Variants in IL16 observed in about 807,000 individuals in gnomAD.
The protein encoded by IL16 is interleukin 16.
IL16 carries 67 observed loss-of-function variants against 110.1 expected under a neutral mutation model. The ratio of observed to expected loss-of-function variants is 0.61; its 90% CI spans 0.50 to 0.75. IL16 has a LOEUF of 0.75. Among genes scored for constraint, IL16 ranks in the 30% least tolerant of loss-of-function variants. The pLI, the probability that IL16 is intolerant of heterozygous loss-of-function variation, is 0.00. For synonymous variants in IL16, 689 were observed against 662.9 expected, an observed-to-expected ratio of 1.04 and a Z score of -0.61; for missense variants, 1,545 against 1,655.0, an observed-to-expected ratio of 0.93 and a Z score of 1.15.
intron 2 of IL16, among the ~76,000 whole-genome samples, chr15:81,248,230 G>A (rs1355561043): frequency 6.6e-6 from 1 of 152,050 alleles, no homozygotes; most frequent in Non-Finnish European, 1.5e-5. Flanking sequence ...ATTAGCAGTT[G>A]TCTGAGCTAT....
rs36000066 is a variant in IL16, at chr15:81,187,339, C to T, written c.40+4443C>T. Among the ~76,000 whole-genome samples the T allele has an allele frequency of 4.9e-3, 744 of 152,262 alleles. 2 individuals are homozygous for T. The highest frequency in any genetic ancestry group is 8.7e-3 in the African/African-American group (363 of 41,546). Reference sequence around the variant, plus strand: ...CTGGCTGGATGCAGTGGCTCACATCCGTAATCGCTACACTTTTGTAGGCTG... The same window carrying T: ...CTGGCTGGATGCAGTGGCTCACATCTGTAATCGCTACACTTTTGTAGGCTG... On this transcript the variant is annotated intron_variant, in intron 1 of 18. Coordinates refer to the IL16 transcript ENST00000302987.
chr15:81,183,623 G>A (rs1162997315), intron 1 of IL16, among the ~76,000 whole-genome samples: 5 of 152,232 alleles, frequency 3.3e-5, no homozygotes, highest in Non-Finnish European at 5.9e-5. Context: ...GGAGAAGTAA[G>A]CAAGTCAAAG....
At chr15:81,224,395 A>G (rs897148276) in intron 1 of IL16, among the ~76,000 whole-genome samples, 1 of 152,196 alleles carries the variant, frequency 6.6e-6, no homozygotes, top group Non-Finnish European at 1.5e-5. Context: ...CACCTGCTTC[A>G]TGGAAACTGA....
chr15:81,279,271 ATCTC>A (rs911219532), intron 7 of IL16, among the ~76,000 whole-genome samples: 1 of 151,978 alleles, frequency 6.6e-6, no homozygotes, highest in African/African-American at 2.4e-5. Context: ...CTATCTATCT[ATCTC>A]TATCTATTCA....
intron 2 of IL16, among the ~76,000 whole-genome samples, chr15:81,232,919 C>G (rs1897058775): frequency 6.6e-6 from 1 of 152,094 alleles, no homozygotes. Context: ...TTCTGGAATA[C>G]TTTGACTTAC....
At chr15:81,234,853 T>C (rs1897128909) in intron 2 of IL16, among the ~76,000 whole-genome samples, 1 of 152,260 alleles carries the variant, frequency 6.6e-6, no homozygotes, top group Non-Finnish European at 1.5e-5. Flanking sequence ...TCTACCTTCC[T>C]ACCTTGACAA....
chr15:81,260,381 T>G (rs1368278951), intron 3 of IL16, among the ~76,000 whole-genome samples: 1 of 152,222 alleles, frequency 6.6e-6, no homozygotes. Flanking sequence ...TGCCTACATA[T>G]GCTATAAAAA....
rs1898567994 is a variant in IL16, at chr15:81,270,165, A to T, written c.675+517A>T. Reference sequence around the variant, plus strand: ...CAGAACTAACTCTACCTCTCTCAAGATGATGAAACATCATACTGATCTCTG... The same window carrying T: ...CAGAACTAACTCTACCTCTCTCAAGTTGATGAAACATCATACTGATCTCTG... On this transcript the variant is annotated intron_variant, in intron 5 of 18. Coordinates refer to ENST00000683961, the MANE Select transcript of IL16 (RefSeq NM_172217.5). 2.0e-5 allele frequency among the ~76,000 whole-genome samples: 3 copies of T among 152,338 alleles called. No homozygotes were observed. The South Asian group carries it at 6.2e-4, about 32-fold the overall frequency.
At chr15:81,214,504 G>A (rs1245589368) in intron 1 of IL16, among the ~76,000 whole-genome samples, 1 of 151,998 alleles carries the variant, frequency 6.6e-6, no homozygotes, top group Non-Finnish European at 1.5e-5. Flanking sequence ...CTGCCTAATA[G>A]GGTTCTTTCA....
intron 1 of IL16, among the ~76,000 whole-genome samples, chr15:81,219,347 A>G (rs1002825015): frequency 6.6e-6 from 1 of 152,060 alleles, no homozygotes; most frequent in Non-Finnish European, 1.5e-5. Flanking sequence ...AAGAACAATG[A>G]TGAGTGGATA....
At chr15:81,279,088 T>G (rs141418435) in intron 7 of IL16, among the ~76,000 whole-genome samples, 198 bp downstream of exon 7, 5 of 152,364 alleles carry the variant, frequency 3.3e-5, no homozygotes, top group African/African-American at 1.2e-4. Flanking sequence ...GTGGGGGATT[T>G]TAAAACTCTT....
intron 7 of IL16, 88 bp downstream of exon 7, chr15:81,278,978 A>G (rs1899042097): frequency 1.1e-6 from 1 of 889,332 alleles, no homozygotes; most frequent in African/African-American, 1.6e-5. Flanking sequence ...ACAAATTCAA[A>G]CTGTGGAACC....
intron 2 of IL16, among the ~76,000 whole-genome samples, chr15:81,234,522 G>A (rs2071047150): frequency 6.6e-6 from 1 of 151,938 alleles, no homozygotes; most frequent in Admixed American, 6.6e-5. Flanking sequence ...TAAAACCTTA[G>A]GACACACAAC....
At chr15:81,183,152 T>C (rs1162355679) in intron 1 of IL16, among the ~76,000 whole-genome samples, 2 of 151,880 alleles carry the variant, frequency 1.3e-5, no homozygotes, top group South Asian at 2.1e-4. Flanking sequence ...TGGCAGAGAG[T>C]TCGGGAAGGG....
At chr15:81,240,504 C>A (rs1897306138) in intron 2 of IL16, among the ~76,000 whole-genome samples, 1 of 152,006 alleles carries the variant, frequency 6.6e-6, no homozygotes, top group South Asian at 2.1e-4. Flanking sequence ...TCCTTTGCAT[C>A]CTCATCAATC....
At chr15:81,301,233 A>G in intron 14 of IL16, 111 bp from the exon 15 acceptor site, 1 of 832,374 alleles carries the variant, frequency 1.2e-6, no homozygotes, top group African/African-American at 1.7e-5. Flanking sequence ...TGCATCAAAT[A>G]ATATGCACAT....
intron 10 of IL16, among the ~76,000 whole-genome samples, chr15:81,286,615 G>A (rs575771423): frequency 6.6e-6 from 1 of 152,316 alleles, no homozygotes; most frequent in East Asian, 1.9e-4. Flanking sequence ...GAAGGAGCAT[G>A]TTCATATTTT....
At chr15:81,190,071 G>A (rs370573717) in intron 1 of IL16, among the ~76,000 whole-genome samples, 11 of 152,234 alleles carry the variant, frequency 7.2e-5, no homozygotes, top group Admixed American at 2.0e-4. Flanking sequence ...AGGGCATCTC[G>A]GACATTCTGT....
chr15:81,197,820 C>T (rs1895654486), intron 1 of IL16, among the ~76,000 whole-genome samples: 1 of 152,010 alleles, frequency 6.6e-6, no homozygotes, highest in African/African-American at 2.4e-5. Context: ...CTGTGGAATA[C>T]AGGGAAGCAT....
Sources: gnomAD v4.1 joint callset for allele counts (sites outside exome capture counted in the v4.1 genomes callset) on GRCh38, gnomAD v4.1.1 for gene constraint, MANE v1.5 for transcripts, NCBI Gene and HGNC (gene_info 2026-07-23, HGNC 2026-07-21) for gene names.